NFE2: variants seen among roughly 807,000 people sequenced by gnomAD.
NFE2 encodes the protein nuclear factor, erythroid 2.
In NFE2, 13 loss-of-function variants were observed where a neutral mutation model predicts 25.8. The observed-to-expected ratio is 0.50, with a 90% CI of 0.33 to 0.80. NFE2 has a LOEUF of 0.80. Among genes scored for constraint, NFE2 ranks in the 30% least tolerant of loss-of-function variants. NFE2 has a pLI of 0.02. For missense variants in NFE2, 382 were observed against 478.9 expected, an observed-to-expected ratio of 0.80 and a Z score of 1.89; for synonymous variants, 204 against 200.2, an observed-to-expected ratio of 1.02 and a Z score of -0.16.
At chr12:54,293,986 G>A (rs376653527) in intron 2 of NFE2, among the ~76,000 whole-genome samples, 35 of 149,228 alleles carry the variant, frequency 2.3e-4, no homozygotes, top group Middle Eastern at 3.8e-3. Context: ...GCTCATGTTC[G>A]GCCAGGCATG....
At position 54,292,926 on chromosome 12, in the gene NFE2, G is replaced by C. The variant is rs377099165; in HGVS notation, c.570C>G (p.Ala190=). 4.4e-6 allele frequency: 7 copies of C among 1,601,964 alleles called. No homozygotes were observed. The highest frequency in any genetic ancestry group is 6.0e-6 in the Non-Finnish European group (7 of 1,173,110). ...YPYSLMPNSL[A]HSNYTLPAAE... is the part of the protein sequence containing the mutation. The stretch of plus-strand genomic sequence containing the variant: ...CAGCTGGCAAGGTATAGTTGGAGTG[G>C]GCCAAGGAGTTGGGCATGAGTGAGT... The change falls in exon 3 of 3, where the codon GCC becomes GCG. Residue 190 remains alanine (A), a synonymous_variant. Coordinates refer to ENST00000435572, the MANE Select transcript of NFE2 (RefSeq NM_001136023.3).
chr12:54,298,939 T>A (rs558757487), intron 1 of NFE2, among the ~76,000 whole-genome samples: 1 of 151,844 alleles, frequency 6.6e-6, no homozygotes, highest in Admixed American at 6.6e-5. Flanking sequence ...TAATCCCAGC[T>A]ACTCAGGCGG....
chr12:54,293,000 C>G lies in NFE2; in HGVS notation c.496G>C (p.Gly166Arg). 2 of 1,541,270 alleles carry G rather than the reference C, an allele frequency of 1.3e-6. No homozygotes were observed. The highest frequency in any genetic ancestry group is 1.8e-6 in the Non-Finnish European group (2 of 1,142,580). Reference protein sequence around the residue: ...ESLELEGTEAGRRRSEYVEMY... With the variant: ...ESLELEGTEARRRRSEYVEMY... ...TCTACATATTCGCTGCGCCGCCGAC[C>G]AGCCTCTGTCCCCTCCAGCTCAAGA... The change falls in exon 3 of 3, where the codon GGT becomes CGT. Residue 166 changes from glycine (G) to arginine (R), a missense_variant. Physicochemically the swap from Gly to Arg is moderately radical, Grantham distance 125. Transcript: ENST00000435572.
At chr12:54,295,102 A>G (rs1279975500) in intron 2 of NFE2, 33 bp downstream of exon 2, 5 of 1,578,508 alleles carry the variant, frequency 3.2e-6, no homozygotes, top group Non-Finnish European at 4.4e-6. Context: ...TCTCCGACAC[A>G]CGGCCTCCCC....
intron 1 of NFE2, among the ~76,000 whole-genome samples, chr12:54,298,193 C>T (rs536191901): frequency 6.6e-6 from 1 of 152,158 alleles, no homozygotes; most frequent in Non-Finnish European, 1.5e-5. Flanking sequence ...AGGCCAGAGA[C>T]CTAGGTTCTC....
At chr12:54,299,671 G>A (rs1315263225) in intron 1 of NFE2, among the ~76,000 whole-genome samples, 1 of 152,124 alleles carries the variant, frequency 6.6e-6, no homozygotes, top group Admixed American at 6.6e-5. Flanking sequence ...AGGACTATTC[G>A]GAGAGGGATG....
In NFE2 at chr12:54,292,733, C is replaced by T. The variant is rs774402236; in HGVS notation, c.763G>A (p.Ala255Thr). The change falls in exon 3 of 3, where the codon GCA (alanine) becomes ACA (threonine). Residue 255 changes from alanine to threonine, a missense_variant. By Grantham distance (58) the Ala-to-Thr change is moderately conservative. Coordinates refer to ENST00000435572, the MANE Select transcript of NFE2 (RefSeq NM_001136023.3). ...TGGCTCTCTGTCAGCGGGTACCTTG[C>T]CAATAGCTCATTAAAGTCATCTACC... ...LPVDDFNELL[A>T]RYPLTESQLA... is the part of the protein sequence containing the mutation. 1.9e-6 allele frequency: 3 copies of T among 1,614,238 alleles called. No homozygotes were observed. The highest frequency in any genetic ancestry group is 2.5e-6 in the Non-Finnish European group (3 of 1,180,050).
Position 54,292,767 on chromosome 12 carries a change from G to C in NFE2, c.729C>G (p.Val243=). The C allele has an allele frequency of 6.2e-7, 1 of 1,614,220 alleles. No homozygotes were observed. Among genetic ancestry groups the C allele is most frequent in the Non-Finnish European group, 8.5e-7 (1 of 1,180,034 alleles). Residue 243 remains valine (V), a synonymous_variant, in exon 3 of 3, where the codon GTC becomes GTG. Coordinates refer to ENST00000435572, the MANE Select transcript of NFE2 (RefSeq NM_001136023.3). ...CATTAAAGTCATCTACCGGCAAGTT[G>C]ACAATCTTGTCCGTAGGAAAAGGAA... ...MKIPFPTDKI[V]NLPVDDFNEL...
Position 54,293,116 on chromosome 12 carries a change from A to G in NFE2, c.380T>C (p.Leu127Pro). 6.6e-7 allele frequency: 1 copy of G among 1,526,028 alleles called. No homozygotes were observed. The allele number at this position is 1,526,028 out of a possible 1,614,324, so 94.5% of individuals were successfully genotyped here. The change falls in exon 3 of 3, where the codon CTG (leucine) becomes CCG (proline). Residue 127 changes from leucine (L) to proline (P), a missense_variant. Physicochemically the swap from Leu to Pro is moderately conservative, Grantham distance 98. Coordinates refer to ENST00000435572, the MANE Select transcript of NFE2 (RefSeq NM_001136023.3). ...TGGCCCTGCTGGCAGCCCAATGTCC[A>G]GGAGGGCTAAGGGGTCTTGGAGCGG... ...SEPLQDPLALLDIGLPAGPPK... is the reference protein window; with the variant it reads ...SEPLQDPLALPDIGLPAGPPK...
intron 2 of NFE2, 139 bp from the exon 3 acceptor site, chr12:54,293,520 C>T (rs1306105995): frequency 2.0e-6 from 2 of 990,764 alleles, no homozygotes; most frequent in Non-Finnish European, 2.8e-6. Flanking sequence ...TCACGGGAAG[C>T]TTCCTGCAAA....
intron 1 of NFE2, 157 bp from the exon 2 acceptor site, chr12:54,295,461 G>A: frequency 1.9e-6 from 1 of 516,238 alleles, no homozygotes; most frequent in Non-Finnish European, 3.5e-6. Context: ...CCCTTAAGAT[G>A]GAAAGTCTTT....
chr12:54,295,896 G>C (rs1944367916), intron 1 of NFE2: 1 of 153,418 alleles, frequency 6.5e-6, no homozygotes, highest in Admixed American at 6.5e-5. Flanking sequence ...TCCCCTGCCT[G>C]GGCCAGATAA....
chr12:54,295,235 G>A lies in NFE2; in HGVS notation c.14C>T (p.Pro5Leu). 1.9e-6 allele frequency: 3 copies of A among 1,614,058 alleles called. No homozygotes were observed. The highest frequency in any genetic ancestry group is 1.7e-4 in the Middle Eastern group (1 of 6,060). Residue 5 changes from proline (P) to leucine (L), a missense_variant, in exon 2 of 3, where the codon CCT becomes CTT. Transcript: ENST00000435572. Reference protein sequence around the residue: MSPCPPQQSRNRVIQ... With the variant: MSPCLPQQSRNRVIQ... ...CACCCTGTTCCTGCTCTGCTGGGGA[G>A]GACACGGGGACATCCTACTGGGCCA... is the stretch of plus-strand genomic sequence containing the variant.
intron 1 of NFE2, among the ~76,000 whole-genome samples, chr12:54,297,274 G>C (rs1171543880): frequency 2.2e-5 from 3 of 138,890 alleles, no homozygotes; most frequent in African/African-American, 5.4e-5. Context: ...AGGATCACTT[G>C]AACCTGAAAG....
intron 1 of NFE2, among the ~76,000 whole-genome samples, chr12:54,299,799 C>A (rs1282119917): frequency 6.6e-6 from 1 of 151,980 alleles, no homozygotes; most frequent in African/African-American, 2.4e-5. Flanking sequence ...CTTATTTGAC[C>A]ACCTCACCTC....
chr12:54,295,008 C>T (rs1944357356), intron 2 of NFE2, 127 bp downstream of exon 2: 2 of 714,186 alleles, frequency 2.8e-6, no homozygotes, highest in Non-Finnish European at 2.4e-6. Context: ...CCCTTCCTTT[C>T]CCAGTGCCTG....
At chr12:54,299,342 T>C (rs1046977958) in intron 1 of NFE2, among the ~76,000 whole-genome samples, 4 of 152,088 alleles carry the variant, frequency 2.6e-5, no homozygotes, top group African/African-American at 9.7e-5. Flanking sequence ...TAGAACACCA[T>C]AGAGGGTATA....
At position 54,292,601 on chromosome 12, in the gene NFE2, C is replaced by G; in HGVS notation, c.895G>C (p.Glu299Gln). Reference protein sequence around the residue: ...ETIVQLERELERLTNERERLL... With the variant: ...ETIVQLERELQRLTNERERLL... ...CGCTCCCGTTCATTGGTCAGCCGCT[C>G]CAGCTCCCGCTCCAGCTGCACAATG... The change falls in exon 3 of 3, where the codon GAG (glutamate) becomes CAG (glutamine). Residue 299 changes from glutamate to glutamine, a missense_variant. Coordinates refer to ENST00000435572, the MANE Select transcript of NFE2 (RefSeq NM_001136023.3). 1.2e-6 allele frequency: 2 copies of G among 1,614,180 alleles called. No homozygotes were observed. Among genetic ancestry groups the G allele is most frequent in the Non-Finnish European group, 1.7e-6 (2 of 1,180,032 alleles).
intron 1 of NFE2, among the ~76,000 whole-genome samples, chr12:54,299,482 T>C (rs74740948): frequency 0.031 from 4,697 of 152,270 alleles, 222 homozygotes; most frequent in African/African-American, 0.11. Flanking sequence ...TCCCACTGGG[T>C]TGTCTGTTCC....
Sources: allele counts gnomAD v4.1 joint callset (sites outside exome capture counted in the v4.1 genomes callset), GRCh38; gene constraint gnomAD v4.1.1; transcripts MANE v1.5; gene names NCBI Gene and HGNC (gene_info 2026-07-23, HGNC 2026-07-21).